SKAP1: variants seen among roughly 807,000 people sequenced by gnomAD.
SKAP1 encodes the protein src kinase-associated phosphoprotein 1.
SKAP1 carries 44 observed loss-of-function variants against 58.5 expected under a neutral mutation model. That is an observed-to-expected ratio of 0.75 (90% CI 0.59 to 0.97). The LOEUF (loss-of-function observed/expected upper bound fraction) is 0.97, where lower values mean the gene tolerates loss of function less well. Among genes scored for constraint, SKAP1 ranks in the 50% least tolerant of loss-of-function variants. The pLI, the probability that SKAP1 is intolerant of heterozygous loss-of-function variation, is 0.00. For missense variants in SKAP1, 390 were observed against 435.2 expected (o/e 0.90, Z 0.92); for synonymous variants, 127 against 149.7 (o/e 0.85, Z 1.11).
chr17:48,406,749 A>AGAGACGAGGTTTCCCCATGT (rs2067591614), intron 1 of SKAP1, among the ~76,000 whole-genome samples: 1 of 152,066 alleles, frequency 6.6e-6, no homozygotes, highest in African/African-American at 2.4e-5. Context: ...CATTTTTAGT[A>AGAGACGAGGTTTCCCCATGT]GAGACGAGGT....
At chr17:48,232,742 A>T (rs2143787779) in intron 4 of SKAP1, among the ~76,000 whole-genome samples, 1 of 152,272 alleles carries the variant, frequency 6.6e-6, no homozygotes, top group African/African-American at 2.4e-5. Flanking sequence ...AAAAGGATTA[A>T]TAATAGGGTG....
Position 48,430,160 on chromosome 17 carries a change from T to G in SKAP1, c.-40A>C, listed in dbSNP as rs113064694. ...GAGAGGCGGGACGGGGCGCGGGCCC[T>G]GGTCGGGAGGCGGACGGGCTGGAAG... is the stretch of plus-strand genomic sequence containing the variant. On this transcript the variant is annotated 5_prime_UTR_variant, in exon 1 of 13. Transcript: ENST00000336915. 1.0e-3 allele frequency: 1,180 copies of G among 1,181,368 alleles called. 11 individuals carry two copies. The African/African-American group carries it at 0.018, about 18-fold the overall frequency. The allele number at this position is 1,181,368 out of a possible 1,614,324, so 73.2% of individuals were successfully genotyped here. A position where few individuals can be genotyped will look rare whatever the true frequency, so the allele number is the denominator to read the frequency against.
intron 11 of SKAP1, among the ~76,000 whole-genome samples, chr17:48,153,437 T>G (rs2063928543): frequency 6.6e-6 from 1 of 152,182 alleles, no homozygotes; most frequent in Admixed American, 6.5e-5. Flanking sequence ...ACCGTTGCCT[T>G]CCAGCTGACC....
chr17:48,344,734 A>AT (rs2066699355), intron 4 of SKAP1, among the ~76,000 whole-genome samples: 2 of 152,200 alleles, frequency 1.3e-5, no homozygotes, highest in Non-Finnish European at 2.9e-5. Context: ...GGTATTACTA[A>AT]TTGTGCTATT....
chr17:48,137,990 T>C (rs2063722258), intron 11 of SKAP1, among the ~76,000 whole-genome samples: 1 of 152,164 alleles, frequency 6.6e-6, no homozygotes, highest in East Asian at 1.9e-4. Flanking sequence ...GTTTGATACA[T>C]AGTAGATGCT....
chr17:48,224,929 G>A (rs2065049944), intron 4 of SKAP1, among the ~76,000 whole-genome samples: 1 of 152,132 alleles, frequency 6.6e-6, no homozygotes, highest in African/African-American at 2.4e-5. Flanking sequence ...TTTGCCAAGT[G>A]TACCAGAACA....
At chr17:48,337,278 C>A (rs1017017240) in intron 4 of SKAP1, among the ~76,000 whole-genome samples, 4 of 152,140 alleles carry the variant, frequency 2.6e-5, no homozygotes, top group African/African-American at 9.7e-5. Flanking sequence ...CCTAGTAAGC[C>A]ATAATATTCT....
intron 1 of SKAP1, among the ~76,000 whole-genome samples, chr17:48,417,744 CAAAAA>C (rs57181313): frequency 8.7e-6 from 1 of 114,524 alleles, no homozygotes; most frequent in Non-Finnish European, 1.9e-5. Flanking sequence ...GACTTCGTCT[CAAAAA>C]AAAAAAAAAA....
At chr17:48,335,706 A>C (rs1443489485) in intron 4 of SKAP1, among the ~76,000 whole-genome samples, 1 of 152,124 alleles carries the variant, frequency 6.6e-6, no homozygotes, top group Non-Finnish European at 1.5e-5. Context: ...GTAATTGGCA[A>C]AGAAAAAAAT....
At chr17:48,405,459 TTTCTTTCCTTCCTTCC>T (rs2067568079) in intron 1 of SKAP1, among the ~76,000 whole-genome samples, 1 of 65,870 alleles carries the variant, frequency 1.5e-5, no homozygotes. Flanking sequence ...CTTTTCTTTC[TTTCTTTCCTTCCTTCC>T]TTCTTTCTTT....
At chr17:48,387,969 G>A (rs1598643017) in intron 2 of SKAP1, among the ~76,000 whole-genome samples, 3 of 152,164 alleles carry the variant, frequency 2.0e-5, no homozygotes, top group African/African-American at 7.2e-5. Flanking sequence ...ACAAACTGGA[G>A]GATTATCCCC....
chr17:48,191,944 T>C (rs1415610670), intron 4 of SKAP1, among the ~76,000 whole-genome samples: 36 of 152,198 alleles, frequency 2.4e-4, no homozygotes, highest in Non-Finnish European at 1.5e-5. Flanking sequence ...CAGTAGCAGA[T>C]TCTACTGAGG....
In SKAP1 at chr17:48,288,187, G is replaced by T. The variant is rs1222078689; in HGVS notation, c.280+57718C>A. 2.0e-5 allele frequency among the ~76,000 whole-genome samples: 3 copies of T among 152,136 alleles called. No individual in the cohort carries two copies. The East Asian group carries it at 5.8e-4, about 29-fold the overall frequency. On this transcript the variant is annotated intron_variant, in intron 4 of 12. Transcript: ENST00000336915. Reference sequence around the variant, plus strand: ...AGACAAGTGGTAACATTTAATGAAGGCGTGTTCTGATTAATTATCTCTCAG... The same window carrying T: ...AGACAAGTGGTAACATTTAATGAAGTCGTGTTCTGATTAATTATCTCTCAG...
chr17:48,253,594 T>C (rs1598474393), intron 4 of SKAP1, among the ~76,000 whole-genome samples: 3 of 152,330 alleles, frequency 2.0e-5, no homozygotes, highest in East Asian at 3.9e-4. Flanking sequence ...GGCTACAGGA[T>C]ACTTCTCTTA....
At chr17:48,162,387 A>G (rs553517059) in intron 11 of SKAP1, 82 bp downstream of exon 11, 9 of 818,276 alleles carry the variant, frequency 1.1e-5, no homozygotes, top group African/African-American at 1.7e-5. Flanking sequence ...AGTGTATGAC[A>G]TGGAATAATT....
intron 6 of SKAP1, among the ~76,000 whole-genome samples, chr17:48,187,588 G>A (rs2064475146): frequency 6.6e-6 from 1 of 151,984 alleles, no homozygotes; most frequent in Admixed American, 6.6e-5. Flanking sequence ...ATAATGTGTT[G>A]TTAATCATCA....
chr17:48,257,137 T>C (rs2065432155), intron 4 of SKAP1, among the ~76,000 whole-genome samples: 1 of 152,126 alleles, frequency 6.6e-6, no homozygotes, highest in Non-Finnish European at 1.5e-5. Flanking sequence ...ATTTTTTTTT[T>C]TTGTATTTTA....
chr17:48,137,335 C>T lies in SKAP1; in HGVS notation c.981G>A (p.Glu327=). ...CCACCCACCAGCCATACATGTTATA[C>T]TCCTGAAAAGTGAAAAGAGGATAGC... The part of the protein sequence containing the change: ...RGDLIRILSK[E]YNMYGWWVGE... Residue 327 remains glutamate (E), a splice_region_variant and synonymous_variant, in exon 12 of 13, where the codon GAG becomes GAA. Coordinates refer to ENST00000336915, the MANE Select transcript of SKAP1 (RefSeq NM_003726.4). 1.2e-6 allele frequency: 2 copies of T among 1,609,966 alleles called. No individual in the cohort carries two copies. Among genetic ancestry groups the T allele is most frequent in the Non-Finnish European group, 1.7e-6 (2 of 1,176,254 alleles).
At chr17:48,284,965 T>C (rs1219922205) in intron 4 of SKAP1, among the ~76,000 whole-genome samples, 1 of 152,218 alleles carries the variant, frequency 6.6e-6, no homozygotes, top group Non-Finnish European at 1.5e-5. Flanking sequence ...GAAAGCCATA[T>C]TGAAAGACAT....
Sources: allele counts gnomAD v4.1 joint callset (sites outside exome capture counted in the v4.1 genomes callset), GRCh38; gene constraint gnomAD v4.1.1; transcripts MANE v1.5; gene names NCBI Gene and HGNC (gene_info 2026-07-23, HGNC 2026-07-21).